The following ADCY2 variants were observed in gnomAD, a reference collection of about 807,000 sequenced individuals.
ADCY2 encodes the protein adenylate cyclase type 2.
A neutral mutation model predicts 125.2 loss-of-function variants in ADCY2; 31 were observed. The ratio of observed to expected loss-of-function variants is 0.25; its 90% CI spans 0.19 to 0.33. ADCY2 has a LOEUF of 0.33. Ranked by LOEUF, ADCY2 falls within the 10% of genes least tolerant of loss-of-function variation. ADCY2 has a pLI of 1.00. For missense variants in ADCY2, 904 were observed against 1,418.2 expected (o/e 0.64, Z 5.82); for synonymous variants, 512 against 548.4 (o/e 0.93, Z 0.93).
chr5:7,637,256 G>A (rs988441093), intron 4 of ADCY2, among the ~76,000 whole-genome samples: 2 of 151,992 alleles, frequency 1.3e-5, no homozygotes, highest in African/African-American at 2.4e-5. Context: ...GATCACCTGA[G>A]GTCAGGAGTT....
chr5:7,441,925 C>T (rs547410781), intron 2 of ADCY2, among the ~76,000 whole-genome samples: 7 of 152,298 alleles, frequency 4.6e-5, no homozygotes, highest in Admixed American at 2.0e-4. Flanking sequence ...GGTCCACCAG[C>T]CCGCCCTCGT....
chr5:7,619,233 T>C (rs1304488915), intron 3 of ADCY2, among the ~76,000 whole-genome samples: 1 of 152,188 alleles, frequency 6.6e-6, no homozygotes, highest in Non-Finnish European at 1.5e-5. Flanking sequence ...CACGAGACAG[T>C]GTTTCGGCTG....
chr5:7,771,737 G>A (rs1743563454), intron 17 of ADCY2, among the ~76,000 whole-genome samples: 1 of 152,172 alleles, frequency 6.6e-6, no homozygotes, highest in Non-Finnish European at 1.5e-5. Flanking sequence ...TTTAGCTGGG[G>A]AAATCAAAGG....
chr5:7,629,606 A>C (rs1738249418), intron 4 of ADCY2, among the ~76,000 whole-genome samples: 1 of 152,192 alleles, frequency 6.6e-6, no homozygotes, highest in Admixed American at 6.5e-5. Flanking sequence ...ACTTTTTACA[A>C]GGTAGGGAAA....
chr5:7,484,199 T>G (rs1742841307), intron 2 of ADCY2, among the ~76,000 whole-genome samples: 2 of 152,218 alleles, frequency 1.3e-5, no homozygotes, highest in South Asian at 4.1e-4. Flanking sequence ...GTTGAAAATA[T>G]GATTATGGGT....
chr5:7,702,318 T>C (rs1741108525), intron 7 of ADCY2, among the ~76,000 whole-genome samples: 1 of 151,496 alleles, frequency 6.6e-6, no homozygotes, highest in Non-Finnish European at 1.5e-5. Context: ...CATGTTGGTG[T>C]GCTGCACCTA....
intron 18 of ADCY2, among the ~76,000 whole-genome samples, chr5:7,779,668 T>A (rs1172371528): frequency 6.6e-6 from 1 of 152,186 alleles, no homozygotes; most frequent in African/African-American, 2.4e-5. Flanking sequence ...TAATTTGTGG[T>A]TCTGCTGCAG....
chr5:7,619,027 A>G (rs376520342), intron 3 of ADCY2, among the ~76,000 whole-genome samples: 4 of 152,214 alleles, frequency 2.6e-5, no homozygotes. Context: ...ATCCAGGACT[A>G]TTCAGTAATT....
At chr5:7,489,814 AGTGTGT>A (rs367962359) in intron 2 of ADCY2, among the ~76,000 whole-genome samples, 2 of 150,758 alleles carry the variant, frequency 1.3e-5, no homozygotes, top group Non-Finnish European at 3.0e-5. Context: ...TTTCTGCTTC[AGTGTGT>A]GTGTGTGTGT....
chr5:7,768,589 C>T (rs1461850685), intron 17 of ADCY2, among the ~76,000 whole-genome samples: 1 of 152,156 alleles, frequency 6.6e-6, no homozygotes, highest in Non-Finnish European at 1.5e-5. Context: ...TTGAGCCGAA[C>T]AACTCACCAC....
chr5:7,433,396 A>C (rs1287838711), intron 2 of ADCY2, among the ~76,000 whole-genome samples: 1 of 152,182 alleles, frequency 6.6e-6, no homozygotes, highest in Non-Finnish European at 1.5e-5. Flanking sequence ...TCTTTAACTT[A>C]AAAAAACCAT....
intron 3 of ADCY2, among the ~76,000 whole-genome samples, chr5:7,565,353 A>C (rs11739618): frequency 0.26 from 39,267 of 152,208 alleles, 5,522 homozygotes; most frequent in East Asian, 0.42. Flanking sequence ...TGAATGCAGA[A>C]TTGAGTAGTT....
intron 3 of ADCY2, among the ~76,000 whole-genome samples, chr5:7,581,362 CAT>C: frequency 6.6e-6 from 1 of 152,140 alleles, no homozygotes; most frequent in African/African-American, 2.4e-5. Context: ...GGAATGAACA[CAT>C]AGAGTTCCAG....
Position 7,418,647 on chromosome 5 carries a change from G to GTTTTTTTTTTTT in ADCY2, c.408+3892_408+3903dup, listed in dbSNP as rs869287430. 5.7e-4 allele frequency among the ~76,000 whole-genome samples: 42 copies of GTTTTTTTTTTTT among 73,768 alleles called. 10 individuals are homozygous for GTTTTTTTTTTTT. The highest frequency in any genetic ancestry group is 2.3e-3 in the African/African-American group (37 of 16,072). 48.4% of individuals were successfully genotyped at this position (73,768 alleles called of 152,430 possible). On this transcript the variant is annotated intron_variant, in intron 2 of 24. Coordinates refer to ENST00000338316, the MANE Select transcript of ADCY2 (RefSeq NM_020546.3). ...AATTAAAAACAAAAGTCTACCTTCT[G>GTTTTTTTTTTTT]TTTTTTTTTTTTTTTTTTTTTTTTT...
chr5:7,534,944 A>T (rs1424788664), intron 3 of ADCY2, among the ~76,000 whole-genome samples: 1 of 152,148 alleles, frequency 6.6e-6, no homozygotes, highest in African/African-American at 2.4e-5. Flanking sequence ...CACTCTGCTT[A>T]TTTCTATGTG....
intron 4 of ADCY2, among the ~76,000 whole-genome samples, 172 bp downstream of exon 4, chr5:7,626,488 G>A (rs1233877028): frequency 6.6e-6 from 1 of 152,152 alleles, no homozygotes; most frequent in Admixed American, 6.5e-5. Context: ...TGCTATAAAG[G>A]AATACCTGAG....
chr5:7,550,319 A>G (rs1735285681), intron 3 of ADCY2, among the ~76,000 whole-genome samples: 1 of 152,188 alleles, frequency 6.6e-6, no homozygotes, highest in Admixed American at 6.5e-5. Flanking sequence ...TTAACCATTA[A>G]CAGTCTACTG....
intron 3 of ADCY2, among the ~76,000 whole-genome samples, chr5:7,585,903 C>T (rs145103988): frequency 1.4e-4 from 21 of 152,284 alleles, no homozygotes; most frequent in Non-Finnish European, 2.2e-4. Flanking sequence ...CATCATTTCG[C>T]GATTTGTATG....
At chr5:7,480,647 T>G (rs537672499) in intron 2 of ADCY2, among the ~76,000 whole-genome samples, 12 of 152,044 alleles carry the variant, frequency 7.9e-5, no homozygotes, top group Non-Finnish European at 1.3e-4. Context: ...AAATGACTGA[T>G]GGGTAATAGG....
Sources: gnomAD v4.1 joint callset for allele counts (sites outside exome capture counted in the v4.1 genomes callset) on GRCh38, gnomAD v4.1.1 for gene constraint, MANE v1.5 for transcripts, NCBI Gene and HGNC (gene_info 2026-07-23, HGNC 2026-07-21) for gene names.